EML4: variants seen among roughly 807,000 people sequenced by gnomAD.
EML4 encodes echinoderm microtubule-associated protein-like 4.
Under a neutral mutation model 129.0 loss-of-function variants are expected in EML4, and 72 were observed. That is an observed-to-expected ratio of 0.56 (90% CI 0.46 to 0.68). The LOEUF is 0.68. Among genes scored for constraint, EML4 ranks in the 30% least tolerant of loss-of-function variants. The pLI is 0.00. For synonymous variants in EML4, 532 were observed against 405.0 expected, an observed-to-expected ratio of 1.31 and a Z score of -3.77; for missense variants, 1,363 against 1,190.6, an observed-to-expected ratio of 1.14 and a Z score of -2.13.
chr2:42,326,213 T>A lies in EML4; in HGVS notation c.2302T>A (p.Trp768Arg). The change falls in exon 21 of 23, where the codon TGG becomes AGG. Residue 768 changes from tryptophan to arginine, a missense_variant. By Grantham distance (101) the Trp-to-Arg change is moderately radical (BLOSUM62 -3). Coordinates refer to ENST00000318522, the MANE Select transcript of EML4 (RefSeq NM_019063.5). ...TCGATCGGATTGTAAGGACATTGAT[T>A]GGACGACATATACCTGTGTGCTAGG... ...RNRSDCKDID[W>R]TTYTCVLGFQ... is the part of the protein sequence containing the mutation. The A allele has an allele frequency of 6.2e-7, 1 of 1,613,870 alleles. No homozygotes were observed. Among genetic ancestry groups the A allele is most frequent in the Non-Finnish European group, 8.5e-7 (1 of 1,179,812 alleles).
intron 17 of EML4, among the ~76,000 whole-genome samples, chr2:42,313,065 C>T (rs1669050450): frequency 6.6e-6 from 1 of 150,766 alleles, no homozygotes; most frequent in African/African-American, 2.4e-5. Context: ...TCTCCTGCCT[C>T]AGCCTTCCAA....
At chr2:42,288,360 A>G (rs749035666) in intron 11 of EML4, 38 bp downstream of exon 11, 1 of 1,056,628 alleles carries the variant, frequency 9.5e-7, no homozygotes. Flanking sequence ...GTTTTAGAGT[A>G]CGTTACTTGT....
At chr2:42,219,708 A>C (rs946177890) in intron 1 of EML4, among the ~76,000 whole-genome samples, 6 of 152,104 alleles carry the variant, frequency 3.9e-5, no homozygotes, top group Admixed American at 3.3e-4. Context: ...ACTTGACATC[A>C]GGACTTCAAG....
chr2:42,184,590 A>T (rs1456559256), intron 1 of EML4, among the ~76,000 whole-genome samples: 3 of 151,970 alleles, frequency 2.0e-5, no homozygotes, highest in Non-Finnish European at 4.4e-5. Context: ...TTTCTTGCTT[A>T]GTTTTTTGTG....
At chr2:42,282,326 A>G (rs1311588269) in intron 7 of EML4, among the ~76,000 whole-genome samples, 1 of 151,442 alleles carries the variant, frequency 6.6e-6, no homozygotes, top group Non-Finnish European at 1.5e-5. Context: ...CTAAGATCTT[A>G]ACATACTGAA....
intron 17 of EML4, 55 bp from the exon 18 acceptor site, chr2:42,315,907 T>C (rs1257908758): frequency 2.0e-5 from 27 of 1,341,332 alleles, no homozygotes; most frequent in Non-Finnish European, 2.7e-5. Context: ...GAACAACTTT[T>C]TTTTTCTATA....
intron 19 of EML4, 69 bp from the exon 20 acceptor site, chr2:42,325,398 G>T (rs1261911803): frequency 1.4e-6 from 1 of 720,434 alleles, no homozygotes; most frequent in Non-Finnish European, 2.5e-6. Context: ...AACAGTATTG[G>T]CTAGCTGTTG....
At chr2:42,219,955 T>C (rs1673463749) in intron 1 of EML4, among the ~76,000 whole-genome samples, 1 of 151,562 alleles carries the variant, frequency 6.6e-6, no homozygotes, top group African/African-American at 2.4e-5. Context: ...AACTCTTTTT[T>C]GCCAGGAATA....
chr2:42,226,521 A>G (rs1673968247), intron 1 of EML4, among the ~76,000 whole-genome samples: 1 of 150,662 alleles, frequency 6.6e-6, no homozygotes, highest in African/African-American at 2.4e-5. Context: ...GTTGGGCGTG[A>G]TGGTGCATTC....
intron 19 of EML4, among the ~76,000 whole-genome samples, chr2:42,324,090 T>G (rs1462915764): frequency 6.6e-6 from 1 of 151,266 alleles, no homozygotes; most frequent in Non-Finnish European, 1.5e-5. Flanking sequence ...AGGCCAGGAG[T>G]TCGAGACCAG....
intron 6 of EML4, among the ~76,000 whole-genome samples, chr2:42,277,441 G>A (rs887166040): frequency 4.6e-5 from 7 of 152,202 alleles, no homozygotes; most frequent in Admixed American, 6.5e-5. Flanking sequence ...TAATGAAGAC[G>A]TACATCATGT....
At chr2:42,190,471 G>A (rs926693060) in intron 1 of EML4, among the ~76,000 whole-genome samples, 2 of 152,184 alleles carry the variant, frequency 1.3e-5, no homozygotes, top group Admixed American at 1.3e-4. Flanking sequence ...ATAACTCCTA[G>A]TTTTTCAGCT....
At chr2:42,298,422 A>T (rs1379285501) in intron 13 of EML4, among the ~76,000 whole-genome samples, 1 of 152,174 alleles carries the variant, frequency 6.6e-6, no homozygotes, top group Non-Finnish European at 1.5e-5. Flanking sequence ...AAGGATAATT[A>T]TTTTCCTTGG....
intron 1 of EML4, among the ~76,000 whole-genome samples, chr2:42,211,261 G>A (rs1003355818): frequency 6.6e-6 from 1 of 152,174 alleles, no homozygotes; most frequent in African/African-American, 2.4e-5. Context: ...ACTCCTGTGT[G>A]TTGTACAAAA....
In EML4 at chr2:42,245,051, C is replaced by G. The variant is rs533585909; in HGVS notation, c.26-454C>G. On this transcript the variant is annotated intron_variant, in intron 1 of 22. Transcript: ENST00000318522. Reference sequence around the variant, plus strand: ...CTTTATAGAAGTTAATATGTGTCAACATGATGAGATGTTATGGAGTTTTTT... The same window carrying G: ...CTTTATAGAAGTTAATATGTGTCAAGATGATGAGATGTTATGGAGTTTTTT... Among the ~76,000 whole-genome samples, 12 of 136,758 alleles carry G rather than the reference C, an allele frequency of 8.8e-5. No individual in the cohort carries two copies. The South Asian group carries it at 3.0e-3, about 34-fold the overall frequency. 89.7% of individuals were successfully genotyped at this position (136,758 alleles called of 152,430 possible). A position where few individuals can be genotyped will look rare whatever the true frequency, so the allele number is the denominator to read the frequency against.
chr2:42,265,465 CCT>C (rs2104402970), intron 6 of EML4, among the ~76,000 whole-genome samples: 1 of 152,226 alleles, frequency 6.6e-6, no homozygotes, highest in African/African-American at 2.4e-5. Context: ...GTCTCAAACT[CCT>C]GACCTCAAGC....
intron 17 of EML4, among the ~76,000 whole-genome samples, chr2:42,305,819 TA>T (rs1157591679): frequency 2.0e-5 from 3 of 152,220 alleles, no homozygotes; most frequent in African/African-American, 7.2e-5. Context: ...TTTGTTTCTA[TA>T]TAAGACTTAA....
At chr2:42,261,034 G>C in intron 3 of EML4, 87 bp from the exon 4 acceptor site, 1 of 1,029,840 alleles carries the variant, frequency 9.7e-7, no homozygotes, top group East Asian at 2.4e-5. Flanking sequence ...TTAGGGTTTT[G>C]AATTATATAA....
At chr2:42,228,214 C>G (rs991402131) in intron 1 of EML4, among the ~76,000 whole-genome samples, 4 of 121,762 alleles carry the variant, frequency 3.3e-5, no homozygotes, top group Non-Finnish European at 5.4e-5. Flanking sequence ...GGGAGAGACT[C>G]TGTCTCAAAA....
Sources: gnomAD v4.1 joint callset for allele counts (sites outside exome capture counted in the v4.1 genomes callset) on GRCh38, gnomAD v4.1.1 for gene constraint, MANE v1.5 for transcripts, NCBI Gene and HGNC (gene_info 2026-07-23, HGNC 2026-07-21) for gene names.